Variants in CDH13 observed in about 807,000 individuals in gnomAD.
CDH13 encodes cadherin-13.
Under a neutral mutation model 63.8 loss-of-function variants are expected in CDH13, and 24 were observed. The observed-to-expected ratio is 0.38, with a 90% CI of 0.27 to 0.53. The LOEUF (loss-of-function observed/expected upper bound fraction) is 0.53, where lower values mean the gene tolerates loss of function less well. Among genes scored for constraint, CDH13 ranks in the 20% least tolerant of loss-of-function variants. CDH13 has a pLI of 0.85. For missense variants in CDH13, 1,049 were observed against 903.1 expected (o/e 1.16, Z -2.07); for synonymous variants, 503 against 355.3 (o/e 1.42, Z -4.67).
intron 6 of CDH13, among the ~76,000 whole-genome samples, chr16:83,421,991 G>C (rs997380662): frequency 1.3e-5 from 2 of 152,168 alleles, no homozygotes; most frequent in Admixed American, 1.3e-4. Context: ...ACTGTCATAT[G>C]AACAAGTGTT....
At chr16:82,872,756 GAT>G (rs1485344754) in intron 2 of CDH13, among the ~76,000 whole-genome samples, 16 of 152,166 alleles carry the variant, frequency 1.1e-4, no homozygotes, top group African/African-American at 3.9e-4. Flanking sequence ...TCCTTCTGGA[GAT>G]AGAAATAGGG....
At chr16:83,333,821 T>G (rs1422484229) in intron 5 of CDH13, among the ~76,000 whole-genome samples, 1 of 152,202 alleles carries the variant, frequency 6.6e-6, no homozygotes, top group African/African-American at 2.4e-5. Flanking sequence ...TCATTGTTAA[T>G]GGTACCTACT....
chr16:83,185,675 A>T lies in CDH13; in HGVS notation c.484-31670A>T, dbSNP rs183622921. Among the ~76,000 whole-genome samples, 4 of 152,312 alleles carry T rather than the reference A, an allele frequency of 2.6e-5. No individual in the cohort carries two copies. In the East Asian group the frequency reaches 7.7e-4, roughly 29 times the overall value. ...TTTCTCCTACTTACCTGTTGGTCCA[A>T]TTCATTTCTGGAAATGTTCTGCAGG... On this transcript the variant is annotated intron_variant, in intron 4 of 13. Coordinates refer to ENST00000567109, the MANE Select transcript of CDH13 (RefSeq NM_001257.5).
At chr16:82,861,651 C>G (rs1199058563) in intron 2 of CDH13, among the ~76,000 whole-genome samples, 1 of 152,146 alleles carries the variant, frequency 6.6e-6, no homozygotes, top group East Asian at 1.9e-4. Flanking sequence ...TTTTATTTCC[C>G]TAATATTTTA....
intron 7 of CDH13, among the ~76,000 whole-genome samples, chr16:83,510,534 G>A (rs1389376225): frequency 6.6e-6 from 1 of 152,176 alleles, no homozygotes; most frequent in Non-Finnish European, 1.5e-5. Context: ...TACCTTGACA[G>A]CTGACAGTAA....
At position 82,692,240 on chromosome 16, in the gene CDH13, A is replaced by T. The variant is rs555148999; in HGVS notation, c.45+65103A>T. Reference sequence around the variant, plus strand: ...GGTAACTTCTATGTTATTAGGCTCAAATGTTCACACTCTGCCTTTGAAATA... The same window carrying T: ...GGTAACTTCTATGTTATTAGGCTCATATGTTCACACTCTGCCTTTGAAATA... On this transcript the variant is annotated intron_variant, in intron 1 of 13. Transcript: ENST00000567109. Among the ~76,000 whole-genome samples the T allele has an allele frequency of 2.0e-5, 3 of 152,216 alleles. No individual in the cohort carries two copies. The South Asian group carries it at 6.2e-4, about 32-fold the overall frequency.
chr16:83,535,753 G>A (rs1567745517), intron 7 of CDH13, among the ~76,000 whole-genome samples: 1 of 145,742 alleles, frequency 6.9e-6, no homozygotes, highest in Non-Finnish European at 1.5e-5. Flanking sequence ...TGAGTGAATG[G>A]AAGGAAAGAG....
At chr16:83,622,126 A>G (rs924147024) in intron 8 of CDH13, among the ~76,000 whole-genome samples, 11 of 152,214 alleles carry the variant, frequency 7.2e-5, no homozygotes, top group African/African-American at 2.7e-4. Flanking sequence ...ACTGTTCGAG[A>G]TGCTTTGGGA....
intron 3 of CDH13, among the ~76,000 whole-genome samples, chr16:83,086,301 A>G (rs1337875223): frequency 1.3e-5 from 2 of 152,224 alleles, no homozygotes; most frequent in Non-Finnish European, 2.9e-5. Context: ...GTTAGTAGTT[A>G]GGGAATGCAG....
chr16:82,928,915 A>G (rs529420408), intron 2 of CDH13, among the ~76,000 whole-genome samples: 1 of 152,280 alleles, frequency 6.6e-6, no homozygotes, highest in East Asian at 1.9e-4. Context: ...TTTTTCTGAC[A>G]TTGGAATGGG....
chr16:83,559,724 C>A (rs2075668277), intron 7 of CDH13, among the ~76,000 whole-genome samples: 1 of 152,068 alleles, frequency 6.6e-6, no homozygotes, highest in Admixed American at 6.6e-5. Flanking sequence ...TTAATTCTAA[C>A]CACTTTCCAG....
At chr16:83,120,281 G>A (rs778118499) in intron 3 of CDH13, among the ~76,000 whole-genome samples, 3 of 152,218 alleles carry the variant, frequency 2.0e-5, no homozygotes, top group Non-Finnish European at 4.4e-5. Flanking sequence ...GGGCAGCTGT[G>A]GAGTTGATGA....
intron 2 of CDH13, among the ~76,000 whole-genome samples, chr16:82,864,474 G>A (rs979246263): frequency 9.2e-5 from 14 of 152,106 alleles, no homozygotes; most frequent in African/African-American, 3.4e-4. Flanking sequence ...GAGGAAGCAA[G>A]GCACCTTCTT....
intron 7 of CDH13, among the ~76,000 whole-genome samples, chr16:83,585,884 G>A (rs75782114): frequency 0.13 from 19,206 of 152,110 alleles, 1,341 homozygotes; most frequent in Middle Eastern, 0.23. Flanking sequence ...TATGCCCCAG[G>A]GTGTAGCAGT....
At chr16:83,688,553 T>G (rs892208773) in intron 10 of CDH13, among the ~76,000 whole-genome samples, 1 of 152,228 alleles carries the variant, frequency 6.6e-6, no homozygotes, top group Non-Finnish European at 1.5e-5. Context: ...TAACACTTCA[T>G]CTTAATTAAA....
chr16:82,849,598 A>T (rs1292588695), intron 1 of CDH13, among the ~76,000 whole-genome samples: 2 of 152,262 alleles, frequency 1.3e-5, no homozygotes, highest in Non-Finnish European at 2.9e-5. Context: ...AAGATCATTG[A>T]TGAAGGCGGA....
In CDH13 at chr16:83,780,130, C is replaced by G. The variant is rs778297983; in HGVS notation, c.1844C>G (p.Thr615Arg). The G allele has an allele frequency of 7.4e-6, 12 of 1,612,988 alleles. No individual in the cohort carries two copies. Among genetic ancestry groups the G allele is most frequent in the African/African-American group, 1.3e-5 (1 of 74,914 alleles). ...TCAGATAAGGATCTTCACCCGAATA[C>G]AGATCCTTTCAAATTTGAAATCCAC... ...GASDKDLHPN[T>R]DPFKFEIHKQ... The change falls in exon 12 of 14, where the codon ACA (threonine) becomes AGA (arginine). Residue 615 changes from threonine to arginine, a missense_variant. Physicochemically the swap from Thr to Arg is moderately conservative, Grantham distance 71 (BLOSUM62 -1). Coordinates refer to ENST00000567109, the MANE Select transcript of CDH13 (RefSeq NM_001257.5).
chr16:82,870,045 G>A (rs1184735861), intron 2 of CDH13, among the ~76,000 whole-genome samples: 1 of 152,120 alleles, frequency 6.6e-6, no homozygotes, highest in East Asian at 1.9e-4. Flanking sequence ...ACAACCCACA[G>A]AATGGGAGAA....
chr16:82,733,668 C>G (rs981739618), intron 1 of CDH13, among the ~76,000 whole-genome samples: 3 of 152,180 alleles, frequency 2.0e-5, no homozygotes, highest in Non-Finnish European at 2.9e-5. Flanking sequence ...CAACAGGTGA[C>G]TGAGCTGGGG....
Sources: allele counts gnomAD v4.1 joint callset (sites outside exome capture counted in the v4.1 genomes callset), GRCh38; gene constraint gnomAD v4.1.1; transcripts MANE v1.5; gene names NCBI Gene and HGNC (gene_info 2026-07-23, HGNC 2026-07-21).